GPR155: variants seen among roughly 807,000 people sequenced by gnomAD.
GPR155 encodes the protein G protein-coupled receptor 155.
GPR155 carries 65 observed loss-of-function variants against 93.1 expected under a neutral mutation model. That is an observed-to-expected ratio of 0.70 (90% CI 0.57 to 0.86). The LOEUF is 0.86. Among genes scored for constraint, GPR155 ranks in the 40% least tolerant of loss-of-function variants. The pLI, the probability that GPR155 is intolerant of heterozygous loss-of-function variation, is 0.00. For missense variants in GPR155, 838 were observed against 1,034.8 expected, an observed-to-expected ratio of 0.81 and a Z score of 2.61; for synonymous variants, 319 against 360.1, an observed-to-expected ratio of 0.89 and a Z score of 1.29.
rs1478218452 is a variant in GPR155 at position 174,448,509 on chromosome 2, GTTTTTTGTTTTTTGTTTTTTGTTT to G, written c.1877-1786_1877-1763del. On this transcript the variant is annotated intron_variant, in intron 11 of 15. Transcript: ENST00000392552. ...TGTAACAAAAACACTATACTGGGAA[GTTTTTTGTTTTTTGTTTTTTGTTT>G]TTTTTTTTTTTTTTTGAGACGGAGT... Among the ~76,000 whole-genome samples, 5 of 133,562 alleles carry G rather than the reference GTTTTTTGTTTTTTGTTTTTTGTTT, an allele frequency of 3.7e-5. No homozygotes were observed. The Admixed American group carries it at 4.0e-4, about 11-fold the overall frequency. 87.6% of individuals were successfully genotyped at this position (133,562 alleles called of 152,430 possible). A position where few individuals can be genotyped will look rare whatever the true frequency, so the allele number is the denominator to read the frequency against.
intron 15 of GPR155, among the ~76,000 whole-genome samples, chr2:174,438,560 T>G (rs183074403): frequency 2.0e-3 from 304 of 152,084 alleles, no homozygotes; most frequent in Non-Finnish European, 3.9e-3. Flanking sequence ...CCAGCCAGAG[T>G]GCAGTGGCGT....
chr2:174,466,617 A>C lies in GPR155; in HGVS notation c.1193T>G (p.Leu398Arg). Residue 398 changes from leucine (L) to arginine (R), a missense_variant, in exon 6 of 16, where the codon CTG (leucine) becomes CGG (arginine). Around this residue, in one of 3 missense-constraint regions of GPR155, gnomAD observed 663 missense variants for 790.1 expected, o/e 0.84. Coordinates refer to ENST00000392552, the MANE Select transcript of GPR155 (RefSeq NM_152529.7). Reference sequence around the variant, plus strand: ...TTTCTTACTCAAAAGAAGAATAGCCAGAGACCAGATCTTGAAGACAAAAGG... The same window carrying C: ...TTTCTTACTCAAAAGAAGAATAGCCCGAGACCAGATCTTGAAGACAAAAGG... ...IVSLISLIWS[L>R]AILLLSKKYK... The C allele has an allele frequency of 6.4e-7, 1 of 1,574,128 alleles. No individual in the cohort carries two copies. Among genetic ancestry groups the C allele is most frequent in the Non-Finnish European group, 8.7e-7 (1 of 1,148,498 alleles).
intron 10 of GPR155, among the ~76,000 whole-genome samples, chr2:174,456,661 C>G (rs1559107004): frequency 6.6e-6 from 1 of 152,084 alleles, no homozygotes; most frequent in African/African-American, 2.4e-5. Flanking sequence ...GTGAATAAAG[C>G]TGTACATTAC....
chr2:174,454,682 G>A (rs1687440127), intron 10 of GPR155, among the ~76,000 whole-genome samples: 1 of 137,600 alleles, frequency 7.3e-6, no homozygotes, highest in African/African-American at 3.0e-5. Context: ...AGGAGGGAGG[G>A]AGGGAAGGAA....
chr2:174,470,502 T>C lies in GPR155; in HGVS notation c.914A>G (p.Asp305Gly), dbSNP rs774995917. 9.9e-6 allele frequency: 16 copies of C among 1,613,788 alleles called. No individual in the cohort carries two copies. In the South Asian group the frequency reaches 1.8e-4, roughly 18 times the overall value. Residue 305 changes from aspartate (D) to glycine (G), a missense_variant, in exon 4 of 16, where the codon GAC becomes GGC. By Grantham distance (94) the Asp-to-Gly change is moderately conservative. Transcript: ENST00000392552. ...REMVELLDKGDSVVNHTSLSN... is the reference protein window; with the variant it reads ...REMVELLDKGGSVVNHTSLSN... ...TAAACTTGTATGGTTCACCACACTG[T>C]CGCCCTTGTCCAAGAGTTCCACCAT...
At chr2:174,481,251 C>T (rs576477629) in intron 2 of GPR155, among the ~76,000 whole-genome samples, 5 of 151,714 alleles carry the variant, frequency 3.3e-5, no homozygotes, top group East Asian at 3.9e-4. Flanking sequence ...ATGTGCTTAC[C>T]GGGAAGAAAA....
At chr2:174,476,399 T>C (rs1688167573) in intron 2 of GPR155, among the ~76,000 whole-genome samples, 1 of 150,688 alleles carries the variant, frequency 6.6e-6, no homozygotes, top group Non-Finnish European at 1.5e-5. Context: ...AGGTCAGGAG[T>C]TCAAGAAGAG....
chr2:174,445,217 G>A (rs756716258), intron 12 of GPR155, 41 bp from the exon 13 acceptor site: 1 of 984,408 alleles, frequency 1.0e-6, no homozygotes, highest in Non-Finnish European at 1.6e-6. Context: ...AATCAAGCAA[G>A]CTGATAATTC....
chr2:174,454,845 A>AG (rs1687462984), intron 10 of GPR155, among the ~76,000 whole-genome samples: 1 of 53,214 alleles, frequency 1.9e-5, no homozygotes, highest in Non-Finnish European at 5.0e-5. Context: ...AGGAAGGAAA[A>AG]GGAAGGAAGG....
rs756199392 is a variant in GPR155 at position 174,446,641 on chromosome 2, C to T, written c.1983G>A (p.Leu661=). ...GDQQLTRHVL[L]CLLLIIGLFA... ...ACAGGCCAATGATGAGAAGTAAACA[C>T]AGCAACACATGTCGGGTCAGTTGCT... is the stretch of plus-strand genomic sequence containing the variant. The change falls in exon 12 of 16, where the codon CTG becomes CTA. Residue 661 remains leucine (L), a synonymous_variant. Coordinates refer to ENST00000392552, the MANE Select transcript of GPR155 (RefSeq NM_152529.7). 21 of 1,614,074 alleles carry T rather than the reference C, an allele frequency of 1.3e-5. No homozygotes were observed. Among genetic ancestry groups the T allele is most frequent in the Non-Finnish European group, 1.8e-5 (21 of 1,179,970 alleles).
At chr2:174,458,408 T>TATATA (rs920376356) in intron 10 of GPR155, among the ~76,000 whole-genome samples, 2 of 152,198 alleles carry the variant, frequency 1.3e-5, no homozygotes, top group Non-Finnish European at 1.5e-5. Flanking sequence ...TTGAACTCAT[T>TATATA]ATCTTCCCCT....
At chr2:174,482,235 A>C (rs555859830) in intron 1 of GPR155, among the ~76,000 whole-genome samples, 4 of 152,358 alleles carry the variant, frequency 2.6e-5, no homozygotes, top group African/African-American at 9.6e-5. Context: ...CAAAATATTT[A>C]TGTTGCTAAG....
At chr2:174,483,822 TG>T (rs1266075816) in intron 1 of GPR155, among the ~76,000 whole-genome samples, 1 of 152,156 alleles carries the variant, frequency 6.6e-6, no homozygotes, top group Non-Finnish European at 1.5e-5. Context: ...CAACCTCAGG[TG>T]ATCTGCCCGC....
chr2:174,481,026 C>G (rs1318924314), intron 2 of GPR155, among the ~76,000 whole-genome samples: 2 of 152,094 alleles, frequency 1.3e-5, no homozygotes, highest in Non-Finnish European at 2.9e-5. Flanking sequence ...TGATCTGCCC[C>G]CCTCGGCCTC....
chr2:174,482,319 T>A (rs1270831406), intron 1 of GPR155, among the ~76,000 whole-genome samples: 1 of 152,188 alleles, frequency 6.6e-6, no homozygotes, highest in East Asian at 1.9e-4. Context: ...CCTGTGGTTC[T>A]CTCCAGTGAT....
At position 174,475,505 on chromosome 2, in the gene GPR155, T is replaced by A. The variant is rs1435653767; in HGVS notation, c.461-2141A>T. On this transcript the variant is annotated intron_variant, in intron 2 of 15. Coordinates refer to ENST00000392552, the MANE Select transcript of GPR155 (RefSeq NM_152529.7). ...CATAAAAGCTAAAACCTATTTTTTT[T>A]TAACAGATTCAATCCCCATTTTCTC... Among the ~76,000 whole-genome samples, 8 of 152,070 alleles carry A rather than the reference T, an allele frequency of 5.3e-5. No individual in the cohort carries two copies. The East Asian group carries it at 1.5e-3, about 29-fold the overall frequency.
intron 3 of GPR155, 26 bp from the exon 4 acceptor site, chr2:174,470,581 T>C (rs752853505): frequency 2.6e-5 from 42 of 1,602,620 alleles, no homozygotes; most frequent in Non-Finnish European, 3.5e-5. Context: ...AAACATCATT[T>C]ACCTGATATC....
intron 1 of GPR155, among the ~76,000 whole-genome samples, chr2:174,486,237 C>G (rs1249360401): frequency 6.6e-6 from 1 of 152,188 alleles, no homozygotes; most frequent in Non-Finnish European, 1.5e-5. Flanking sequence ...GCGCTGAGCA[C>G]TGCCTCCTTG....
chr2:174,444,139 G>A (rs976136147), intron 13 of GPR155, among the ~76,000 whole-genome samples: 3 of 152,086 alleles, frequency 2.0e-5, no homozygotes, highest in East Asian at 1.9e-4. Flanking sequence ...GGAGATGGCC[G>A]GGTGTGGTGG....
Sources: allele counts gnomAD v4.1 joint callset (sites outside exome capture counted in the v4.1 genomes callset), GRCh38; gene constraint gnomAD v4.1.1; regional missense constraint gnomAD v4.1.1; transcripts MANE v1.5; gene names NCBI Gene and HGNC (gene_info 2026-07-23, HGNC 2026-07-21).